The following WDR72 variants were observed in gnomAD, a reference collection of about 807,000 sequenced individuals.
The protein encoded by WDR72 is WD repeat-containing protein 72.
Under a neutral mutation model 124.2 loss-of-function variants are expected in WDR72, and 120 were observed. That is an observed-to-expected ratio of 0.97 (90% CI 0.83 to 1.12). The LOEUF (loss-of-function observed/expected upper bound fraction) is 1.12, where lower values mean the gene tolerates loss of function less well. Ranked by LOEUF, WDR72 falls within the 50% of genes most tolerant of loss-of-function variation. The pLI is 0.00. For missense variants in WDR72, 1,387 were observed against 1,278.8 expected, an observed-to-expected ratio of 1.08 and a Z score of -1.29; for synonymous variants, 452 against 441.7, an observed-to-expected ratio of 1.02 and a Z score of -0.29.
intron 8 of WDR72, 60 bp from the exon 9 acceptor site, chr15:53,711,013 T>C: frequency 1.4e-6 from 2 of 1,423,480 alleles, no homozygotes; most frequent in African/African-American, 1.4e-5. Context: ...TCGTTTTTTT[T>C]CCCCCTCCCA....
intron 1 of WDR72, among the ~76,000 whole-genome samples, chr15:53,733,618 T>A (rs1236187555): frequency 2.6e-5 from 4 of 152,160 alleles, no homozygotes. Flanking sequence ...AAAAAATAAA[T>A]CTTTTCCATA....
chr15:53,700,036 G>T (rs926224747), intron 12 of WDR72, 91 bp from the exon 13 acceptor site: 2 of 1,500,602 alleles, frequency 1.3e-6, no homozygotes, highest in South Asian at 2.3e-5. Context: ...ACATAAAAAA[G>T]TTTTGTTAAA....
Position 53,733,179 on chromosome 15 carries a change from G to T in WDR72, c.-12-18C>A. The T allele has an allele frequency of 6.2e-7, 1 of 1,612,966 alleles. No homozygotes were observed. Among genetic ancestry groups the T allele is most frequent in the Non-Finnish European group, 8.5e-7 (1 of 1,179,840 alleles). ...GGCGAATCCTGACATACAAAGAAGG[G>T]AAGAAGCATACATGGTCATCTTTTT... On this transcript the variant is annotated intron_variant, in intron 1 of 19. Transcript: ENST00000360509.
chr15:53,534,885 C>T lies in WDR72; in HGVS notation c.3149-11563G>A, dbSNP rs576554597. Among the ~76,000 whole-genome samples, 449 of 152,070 alleles carry T rather than the reference C, an allele frequency of 3.0e-3. 7 individuals carry two copies. The highest frequency in any genetic ancestry group is 0.01 in the African/African-American group (429 of 41,488). On this transcript the variant is annotated intron_variant, in intron 18 of 19. Coordinates refer to ENST00000360509, the MANE Select transcript of WDR72 (RefSeq NM_182758.4). Reference sequence around the variant, plus strand: ...TTCTTATGAAAGGTAAAATACTTCCCTGGGGCTACGGGAGGAAATGCTTGA... The same window carrying T: ...TTCTTATGAAAGGTAAAATACTTCCTTGGGGCTACGGGAGGAAATGCTTGA...
chr15:53,706,177 T>C, intron 9 of WDR72, 103 bp from the exon 10 acceptor site: 4 of 1,228,102 alleles, frequency 3.3e-6, no homozygotes, highest in South Asian at 1.4e-5. Context: ...ATAAATCTTT[T>C]CAATTTATTT....
At chr15:53,556,450 G>C (rs1214340513) in intron 18 of WDR72, among the ~76,000 whole-genome samples, 1 of 151,992 alleles carries the variant, frequency 6.6e-6, no homozygotes, top group Non-Finnish European at 1.5e-5. Flanking sequence ...GTAGGGTCTG[G>C]AAATCAGCAG....
In WDR72 at chr15:53,733,462, A is replaced by G. The variant is rs1444847970; in HGVS notation, c.-12-301T>C. Among the ~76,000 whole-genome samples, 5 of 152,264 alleles carry G rather than the reference A, an allele frequency of 3.3e-5. No homozygotes were observed. In the East Asian group the frequency reaches 9.7e-4, roughly 29 times the overall value. ...CCAGCTCTTCCTGTGGCTACATCCA[A>G]CTTGCTGCAAAGTCCTGCTGGGCCT... On this transcript the variant is annotated intron_variant, in intron 1 of 19. Coordinates refer to ENST00000360509, the MANE Select transcript of WDR72 (RefSeq NM_182758.4).
chr15:53,704,917 G>T (rs564478921), intron 11 of WDR72, 71 bp downstream of exon 11: 2 of 1,564,466 alleles, frequency 1.3e-6, no homozygotes, highest in African/African-American at 1.4e-5. Context: ...TCTAAATCTT[G>T]TTTAGTGCAG....
chr15:53,626,541 A>G (rs1166684230), intron 14 of WDR72, among the ~76,000 whole-genome samples: 1 of 152,198 alleles, frequency 6.6e-6, no homozygotes, highest in Non-Finnish European at 1.5e-5. Flanking sequence ...GTGCAGCTGC[A>G]AGATTTAACA....
At chr15:53,657,811 C>G (rs547575509) in intron 14 of WDR72, among the ~76,000 whole-genome samples, 9 of 152,284 alleles carry the variant, frequency 5.9e-5, no homozygotes, top group Non-Finnish European at 1.3e-4. Flanking sequence ...ATCACGGTTG[C>G]CTATCAGCAA....
chr15:53,759,749 C>G (rs1346482440), upstream of WDR72: 1 of 149,062 alleles, frequency 6.7e-6, no homozygotes, highest in African/African-American at 2.5e-5. Flanking sequence ...CGGTCCTGCC[C>G]CCGCAGCGCG....
intron 14 of WDR72, 112 bp downstream of exon 14, chr15:53,665,460 T>G (rs1248135122): frequency 5.0e-6 from 6 of 1,189,874 alleles, no homozygotes; most frequent in Non-Finnish European, 6.2e-6. Context: ...TGCAGCAGTC[T>G]CTTAGTTCTT....
At chr15:53,743,295 T>C (rs1417646975) in intron 1 of WDR72, among the ~76,000 whole-genome samples, 2 of 152,138 alleles carry the variant, frequency 1.3e-5, no homozygotes, top group Non-Finnish European at 2.9e-5. Context: ...TAATTATATA[T>C]AGATCACTGC....
At position 53,702,323 on chromosome 15, in the gene WDR72, G is replaced by A; in HGVS notation, c.1380C>T (p.His460=). Residue 460 remains histidine, a synonymous_variant, in exon 12 of 20, where the codon CAC becomes CAT. Transcript: ENST00000360509. ...DSPPHKVLKG[H]HQSVTSLLYP... ...AGAGTAATGAAGTGACACTTTGGTG[G>A]TGGCCTTTAAGAACTTTATGAGGGG... 4 of 1,613,956 alleles carry A rather than the reference G, an allele frequency of 2.5e-6. No individual in the cohort carries two copies. The highest frequency in any genetic ancestry group is 3.4e-6 in the Non-Finnish European group (4 of 1,179,880).
intron 13 of WDR72, among the ~76,000 whole-genome samples, chr15:53,667,450 A>G (rs1444773057): frequency 1.3e-5 from 2 of 152,144 alleles, no homozygotes; most frequent in Admixed American, 6.6e-5. Context: ...ATATTGATAT[A>G]TCTTCTGAAG....
At chr15:53,681,388 T>G (rs1299800996) in intron 13 of WDR72, among the ~76,000 whole-genome samples, 1 of 152,132 alleles carries the variant, frequency 6.6e-6, no homozygotes, top group East Asian at 1.9e-4. Flanking sequence ...AAGGGCCTAG[T>G]TAAGGAGGAG....
intron 18 of WDR72, among the ~76,000 whole-genome samples, chr15:53,546,999 T>C (rs1893502670): frequency 6.6e-6 from 1 of 152,220 alleles, no homozygotes; most frequent in East Asian, 1.9e-4. Flanking sequence ...TAAATGTCCA[T>C]TTATGTAAAA....
chr15:53,582,588 T>A (rs2011988462), intron 18 of WDR72, among the ~76,000 whole-genome samples: 1 of 151,634 alleles, frequency 6.6e-6, no homozygotes, highest in Non-Finnish European at 1.5e-5. Context: ...ACCGCTAATT[T>A]AAAAAAAAGA....
intron 17 of WDR72, among the ~76,000 whole-genome samples, chr15:53,603,834 G>A (rs2013152341): frequency 6.6e-6 from 1 of 152,098 alleles, no homozygotes; most frequent in South Asian, 2.1e-4. Flanking sequence ...AATCAGAGAT[G>A]ACATAAACAA....
Sources: gnomAD v4.1 joint callset for allele counts (sites outside exome capture counted in the v4.1 genomes callset) on GRCh38, gnomAD v4.1.1 for gene constraint, MANE v1.5 for transcripts, NCBI Gene and HGNC (gene_info 2026-07-23, HGNC 2026-07-21) for gene names.